Variants in JMJD1C observed in about 807,000 individuals in gnomAD.
The protein encoded by JMJD1C is jumonji domain containing 1C.
In JMJD1C, 31 loss-of-function variants were observed where a neutral mutation model predicts 245.3. The observed-to-expected ratio is 0.13, with a 90% CI of 0.09 to 0.17. The LOEUF (loss-of-function observed/expected upper bound fraction) is 0.17. Among genes scored for constraint, JMJD1C ranks in the 10% least tolerant of loss-of-function variants. JMJD1C has a pLI of 1.00. For synonymous variants in JMJD1C, 1,057 were observed against 1,017.4 expected, an observed-to-expected ratio of 1.04 and a Z score of -0.74; for missense variants, 2,691 against 3,000.2, an observed-to-expected ratio of 0.90 and a Z score of 2.41.
chr10:63,439,570 T>C (rs1455591198), intron 1 of JMJD1C, among the ~76,000 whole-genome samples: 1 of 152,212 alleles, frequency 6.6e-6, no homozygotes, highest in Non-Finnish European at 1.5e-5. Flanking sequence ...ACATTTAAGT[T>C]GAGGAGGATA....
chr10:63,432,578 G>A (rs2132851977), intron 1 of JMJD1C, among the ~76,000 whole-genome samples: 1 of 152,278 alleles, frequency 6.6e-6, no homozygotes, highest in Non-Finnish European at 1.5e-5. Context: ...GAGAACAACA[G>A]CCCAGTCTTC....
chr10:63,230,388 C>T (rs1329068278), intron 3 of JMJD1C, among the ~76,000 whole-genome samples: 1 of 152,076 alleles, frequency 6.6e-6, no homozygotes, highest in Non-Finnish European at 1.5e-5. Flanking sequence ...AATTCCACCA[C>T]TTCTTTACCC....
intron 1 of JMJD1C, among the ~76,000 whole-genome samples, chr10:63,400,781 C>T (rs375882053): frequency 2.0e-5 from 3 of 151,958 alleles, no homozygotes; most frequent in East Asian, 3.8e-4. Context: ...ACCATGTTGG[C>T]CAGGCTGGTC....
At chr10:63,270,297 G>A (rs1010470543) in intron 2 of JMJD1C, among the ~76,000 whole-genome samples, 9 of 151,996 alleles carry the variant, frequency 5.9e-5, no homozygotes, top group Non-Finnish European at 1.3e-4. Flanking sequence ...CTCCCAAGTA[G>A]CTGGCATTAC....
At chr10:63,465,449 C>T (rs971443270) in intron 1 of JMJD1C, 46 bp downstream of exon 1, 6 of 1,525,122 alleles carry the variant, frequency 3.9e-6, no homozygotes, top group East Asian at 2.3e-5. Context: ...CTGCGAGAGC[C>T]GGGTGCGGGC....
At chr10:63,201,950 GA>G (rs1013261299) in intron 10 of JMJD1C, among the ~76,000 whole-genome samples, 8 of 144,850 alleles carry the variant, frequency 5.5e-5, no homozygotes, top group East Asian at 2.0e-4. Flanking sequence ...AAAGAGGAAA[GA>G]AAAAAAAAAG....
At chr10:63,266,606 AC>A (rs777308063) in intron 2 of JMJD1C, among the ~76,000 whole-genome samples, 5 of 152,184 alleles carry the variant, frequency 3.3e-5, no homozygotes, top group Non-Finnish European at 7.4e-5. Context: ...ACTAGAAAAC[AC>A]TGGCATCTTC....
chr10:63,510,749 T>A (rs1410797017), intron 1 of JMJD1C, among the ~76,000 whole-genome samples: 1 of 152,238 alleles, frequency 6.6e-6, no homozygotes, highest in Non-Finnish European at 1.5e-5. Context: ...TTTATTGATT[T>A]TTTGTCTACT....
chr10:63,224,494 AG>A (rs1362361812), intron 3 of JMJD1C, among the ~76,000 whole-genome samples: 2 of 152,338 alleles, frequency 1.3e-5, no homozygotes, highest in East Asian at 3.9e-4. Flanking sequence ...TGTAAGTTAC[AG>A]GGATTTCTGT....
intron 1 of JMJD1C, among the ~76,000 whole-genome samples, chr10:63,479,907 C>G (rs1178763422): frequency 6.6e-6 from 1 of 151,986 alleles, no homozygotes; most frequent in African/African-American, 2.4e-5. Context: ...CAATAATGAT[C>G]CCAGTAACCA....
chr10:63,380,814 T>C (rs1050212637), intron 1 of JMJD1C, among the ~76,000 whole-genome samples: 2 of 152,214 alleles, frequency 1.3e-5, no homozygotes, highest in Non-Finnish European at 2.9e-5. Flanking sequence ...TAGTACACTG[T>C]TGGTGGGAAT....
At chr10:63,328,210 G>A (rs1589490661) in intron 2 of JMJD1C, among the ~76,000 whole-genome samples, 1 of 151,894 alleles carries the variant, frequency 6.6e-6, no homozygotes, top group Admixed American at 6.6e-5. Context: ...CGAAGTTGGA[G>A]GTTACAGTAA....
chr10:63,346,571 T>A (rs997794719), intron 2 of JMJD1C, among the ~76,000 whole-genome samples: 3 of 152,180 alleles, frequency 2.0e-5, no homozygotes, highest in Admixed American at 6.5e-5. Flanking sequence ...ATAAAGCAAA[T>A]AAACTATAAC....
At chr10:63,181,167 A>C (rs1843432373) in intron 22 of JMJD1C, among the ~76,000 whole-genome samples, 1 of 152,152 alleles carries the variant, frequency 6.6e-6, no homozygotes, top group Non-Finnish European at 1.5e-5. Flanking sequence ...TGCCTGGCTT[A>C]TCTTTCTTAT....
Position 63,209,248 on chromosome 10 carries a change from C to G in JMJD1C, c.2695-13G>C. On this transcript the variant is annotated splice_polypyrimidine_tract_variant and intron_variant, in intron 8 of 25. Transcript: ENST00000399262. ...GACTGGGAGAATTCTATTAACAAAA[C>G]AAAACAAAAAAAACACCTAGATTTC... is the stretch of plus-strand genomic sequence containing the variant. 7 of 1,571,674 alleles carry G rather than the reference C, an allele frequency of 4.5e-6. No homozygotes were observed. Among genetic ancestry groups the G allele is most frequent in the Non-Finnish European group, 5.2e-6 (6 of 1,161,918 alleles).
At chr10:63,501,421 C>T (rs1448918237) in intron 1 of JMJD1C, among the ~76,000 whole-genome samples, 2 of 152,158 alleles carry the variant, frequency 1.3e-5, no homozygotes, top group East Asian at 3.9e-4. Flanking sequence ...CAGCCCTTTC[C>T]CCCATACTTT....
chr10:63,474,453 T>C (rs1953595630), intron 1 of JMJD1C, among the ~76,000 whole-genome samples: 1 of 151,854 alleles, frequency 6.6e-6, no homozygotes, highest in Admixed American at 6.6e-5. Flanking sequence ...CTTTTTTTTT[T>C]GTTTTTTTTT....
intron 2 of JMJD1C, among the ~76,000 whole-genome samples, chr10:63,334,497 G>A (rs1942486462): frequency 6.6e-6 from 1 of 152,092 alleles, no homozygotes; most frequent in Admixed American, 6.6e-5. Context: ...CTAGGCAGGT[G>A]AATAGCTTGA....
chr10:63,232,097 C>G (rs1304517177), intron 3 of JMJD1C, among the ~76,000 whole-genome samples: 1 of 152,180 alleles, frequency 6.6e-6, no homozygotes, highest in Non-Finnish European at 1.5e-5. Flanking sequence ...CTCGGCCTCC[C>G]AAAGTGTTGG....
Sources: allele counts gnomAD v4.1 joint callset (sites outside exome capture counted in the v4.1 genomes callset), GRCh38; gene constraint gnomAD v4.1.1; transcripts MANE v1.5; gene names NCBI Gene and HGNC (gene_info 2026-07-23, HGNC 2026-07-21).